The following ACTR3B variants were observed in gnomAD, a reference collection of about 807,000 sequenced individuals.
ACTR3B encodes the protein actin related protein 3B.
ACTR3B carries 8 observed loss-of-function variants against 59.0 expected under a neutral mutation model. That is an observed-to-expected ratio of 0.14 (90% CI 0.08 to 0.24). The LOEUF (loss-of-function observed/expected upper bound fraction) is 0.24, where lower values mean the gene tolerates loss of function less well. Ranked by LOEUF, ACTR3B falls within the 10% of genes least tolerant of loss-of-function variation. ACTR3B has a pLI of 1.00. For missense variants in ACTR3B, 245 were observed against 552.3 expected (o/e 0.44, Z 5.58); for synonymous variants, 148 against 197.9 (o/e 0.75, Z 2.12).
chr7:152,802,683 C>T lies in ACTR3B; in HGVS notation c.336+952C>T, dbSNP rs188812919. Among the ~76,000 whole-genome samples, 66 of 151,486 alleles carry T rather than the reference C, an allele frequency of 4.4e-4. 1 individual carries two copies. Among genetic ancestry groups the T allele is most frequent in the African/African-American group, 1.5e-3 (60 of 41,226 alleles). On this transcript the variant is annotated intron_variant, in intron 4 of 11. Coordinates refer to ENST00000256001, the MANE Select transcript of ACTR3B (RefSeq NM_020445.6). ...CTTTATAGAGGGCAGTTTCATGTGA[C>T]GTAAGCTGCGTATTAAACCTGCATA...
intron 9 of ACTR3B, among the ~76,000 whole-genome samples, chr7:152,834,136 CT>C (rs530165049): frequency 4.0e-5 from 6 of 150,808 alleles, no homozygotes; most frequent in Non-Finnish European, 8.9e-5. Flanking sequence ...GAATTTACTC[CT>C]TTGTAGTCGC....
Position 152,759,759 on chromosome 7 carries a change from C to T in ACTR3B, c.-124C>T. On this transcript the variant is annotated 5_prime_UTR_variant, in exon 1 of 12. Coordinates refer to ENST00000256001, the MANE Select transcript of ACTR3B (RefSeq NM_020445.6). ...ACGTGTCGGCCGCCGAGCATCCGGGCTCCCGGCAGCGGCGCTGCGGCGGCT... is the reference window on the plus strand; with the variant it reads ...ACGTGTCGGCCGCCGAGCATCCGGGTTCCCGGCAGCGGCGCTGCGGCGGCT... 3 of 742,786 alleles carry T rather than the reference C, an allele frequency of 4.0e-6. No individual in the cohort carries two copies. Among genetic ancestry groups the T allele is most frequent in the South Asian group, 1.2e-4 (2 of 16,630 alleles). 46.0% of individuals were successfully genotyped at this position (742,786 alleles called of 1,614,324 possible).
At position 152,854,367 on chromosome 7, in the gene ACTR3B, G is replaced by A; in HGVS notation, c.1162-91G>A. 2 of 1,179,408 alleles carry A rather than the reference G, an allele frequency of 1.7e-6. No individual in the cohort carries two copies. The highest frequency in any genetic ancestry group is 2.5e-6 in the Non-Finnish European group (2 of 789,258). The allele number at this position is 1,179,408 out of a possible 1,614,324, so 73.1% of individuals were successfully genotyped here. A position where few individuals can be genotyped will look rare whatever the true frequency, so the allele number is the denominator to read the frequency against. On this transcript the variant is annotated intron_variant, in intron 11 of 11. Transcript: ENST00000256001. This position sits in a 1 kb window ranked among gnomAD's most constrained non-coding sequence, Gnocchi z 4.9. ...TCCTGGGAGGGAGGGTGGAGGCCGG[G>A]ATGAGGAGAGTGTCTTGCCTGCTTG...
intron 9 of ACTR3B, among the ~76,000 whole-genome samples, chr7:152,840,531 C>T (rs1797798224): frequency 6.6e-6 from 1 of 151,494 alleles, no homozygotes; most frequent in Non-Finnish European, 1.5e-5. Context: ...CTTTGGGCAT[C>T]CCCACCTGGC....
chr7:152,802,132 A>G (rs1180619121), intron 4 of ACTR3B, among the ~76,000 whole-genome samples: 1 of 151,942 alleles, frequency 6.6e-6, no homozygotes, highest in East Asian at 1.9e-4. Flanking sequence ...ACCCTTTCCC[A>G]GAAACCTTCC....
At chr7:152,844,603 G>GTCGT in intron 9 of ACTR3B, among the ~76,000 whole-genome samples, 1 of 151,928 alleles carries the variant, frequency 6.6e-6, no homozygotes, top group East Asian at 1.9e-4. Flanking sequence ...TTATGATGAT[G>GTCGT]TCGTCTGTTA....
rs1050592446 is a variant in ACTR3B, at chr7:152,854,823, C to T, written c.*270C>T. 1 of 397,830 alleles carries T rather than the reference C, an allele frequency of 2.5e-6. No homozygotes were observed. The highest frequency in any genetic ancestry group is 4.6e-6 in the Non-Finnish European group (1 of 219,502). The allele number at this position is 397,830 out of a possible 1,614,324, so 24.6% of individuals were successfully genotyped here. A position where few individuals can be genotyped will look rare whatever the true frequency, so the allele number is the denominator to read the frequency against. On this transcript the variant is annotated 3_prime_UTR_variant, in exon 12 of 12. Coordinates refer to ENST00000256001, the MANE Select transcript of ACTR3B (RefSeq NM_020445.6). The surrounding 1 kb of genome is among the most constrained non-coding windows in gnomAD (Gnocchi z 4.9). ...CCTCCGAGCTGCTAGCTGACAAATA[C>T]AATTCTGAAGGAATCCAAATGTGAC... is the stretch of plus-strand genomic sequence containing the variant.
In ACTR3B at chr7:152,824,593, A is replaced by G. The variant is rs531066257; in HGVS notation, c.859-437A>G. 2.0e-5 allele frequency among the ~76,000 whole-genome samples: 3 copies of G among 152,224 alleles called. No individual in the cohort carries two copies. Among genetic ancestry groups the G allele is most frequent in the Non-Finnish European group, 4.4e-5 (3 of 68,038 alleles). ...CAAAACACTTCCCTGCATCTTCTAG[A>G]CCAGGTTTAATTAATCTTTCATTGA... On this transcript the variant is annotated intron_variant, in intron 8 of 11. Coordinates refer to ENST00000256001, the MANE Select transcript of ACTR3B (RefSeq NM_020445.6). The surrounding 1 kb of genome is among the most constrained non-coding windows in gnomAD (Gnocchi z 4.2).
chr7:152,809,408 C>T (rs1212527198), intron 4 of ACTR3B, among the ~76,000 whole-genome samples: 6 of 152,162 alleles, frequency 3.9e-5, no homozygotes, highest in Admixed American at 6.5e-5. Context: ...TTCTAGGGAG[C>T]GTGCCCCCCT....
rs533612532 is a variant in ACTR3B at position 152,819,440 on chromosome 7, G to T, written c.541-859G>T. ...TCCAGCGGTGGGCGTTGTCCACTCTGACGGTCAGCATCCTGCTCATCCCCT... is the reference window on the plus strand; with the variant it reads ...TCCAGCGGTGGGCGTTGTCCACTCTTACGGTCAGCATCCTGCTCATCCCCT... On this transcript the variant is annotated intron_variant, in intron 6 of 11. Transcript: ENST00000256001. 6.6e-5 allele frequency among the ~76,000 whole-genome samples: 10 copies of T among 152,288 alleles called. No individual in the cohort carries two copies. In the South Asian group the frequency reaches 1.9e-3, roughly 28 times the overall value.
chr7:152,801,115 T>C (rs1192752993), intron 3 of ACTR3B, among the ~76,000 whole-genome samples: 2 of 152,308 alleles, frequency 1.3e-5, no homozygotes, highest in African/African-American at 4.8e-5. Flanking sequence ...GGTCTTACTC[T>C]GTCATCCAGG....
At chr7:152,801,550 G>A (rs1473204535) in intron 3 of ACTR3B, 71 bp from the exon 4 acceptor site, 1 of 1,558,610 alleles carries the variant, frequency 6.4e-7, no homozygotes, top group Non-Finnish European at 8.7e-7. Context: ...AGTTTCTTCT[G>A]TGCCACTGTT....
intron 9 of ACTR3B, among the ~76,000 whole-genome samples, chr7:152,849,656 A>G (rs1798638836): frequency 6.6e-6 from 1 of 152,254 alleles, no homozygotes; most frequent in African/African-American, 2.4e-5. Context: ...TGTTTTTGGT[A>G]TTCACCACTG....
At position 152,801,912 on chromosome 7, in the gene ACTR3B, T is replaced by C. The variant is rs553220944; in HGVS notation, c.336+181T>C. On this transcript the variant is annotated intron_variant, in intron 4 of 11. Transcript: ENST00000256001. Reference sequence around the variant, plus strand: ...TTCAGAACAAAAAGGGCTTGTTAGCTCACCAAACAGGAAGCCCAAGTGAGG... The same window carrying C: ...TTCAGAACAAAAAGGGCTTGTTAGCCCACCAAACAGGAAGCCCAAGTGAGG... 2.0e-5 allele frequency among the ~76,000 whole-genome samples: 3 copies of C among 148,480 alleles called. No individual in the cohort carries two copies. In the Admixed American group the frequency reaches 2.1e-4, roughly 10 times the overall value.
intron 9 of ACTR3B, among the ~76,000 whole-genome samples, chr7:152,846,335 C>CG (rs1269045692): frequency 1.5e-5 from 2 of 134,960 alleles, no homozygotes; most frequent in Non-Finnish European, 3.2e-5. Flanking sequence ...CTCTAGTGCC[C>CG]GGGCTGTAGT....
chr7:152,846,179 C>A (rs1047419405), intron 9 of ACTR3B, among the ~76,000 whole-genome samples: 1 of 148,080 alleles, frequency 6.8e-6, no homozygotes. Flanking sequence ...CTCTAGTGCC[C>A]GGGCTGTAGT....
intron 1 of ACTR3B, among the ~76,000 whole-genome samples, chr7:152,774,292 G>A (rs113607948): frequency 0.035 from 5,276 of 152,098 alleles, 156 homozygotes; most frequent in East Asian, 0.12. Context: ...ATGCGCCACC[G>A]CACCCGACTA....
intron 9 of ACTR3B, among the ~76,000 whole-genome samples, chr7:152,832,183 A>C (rs1215858845): frequency 1.3e-5 from 2 of 152,134 alleles, no homozygotes; most frequent in Non-Finnish European, 2.9e-5. Flanking sequence ...GAAAAGGTTC[A>C]GGGTTCTTGC....
intron 9 of ACTR3B, among the ~76,000 whole-genome samples, chr7:152,842,572 C>T (rs1797951485): frequency 6.6e-6 from 1 of 151,654 alleles, no homozygotes; most frequent in Non-Finnish European, 1.5e-5. Context: ...CGCGTGTTCT[C>T]TGTTTCCGGC....
Sources: allele counts gnomAD v4.1 joint callset (sites outside exome capture counted in the v4.1 genomes callset), GRCh38; gene constraint gnomAD v4.1.1; non-coding constraint Gnocchi (gnomAD v3.1); transcripts MANE v1.5; gene names NCBI Gene and HGNC (gene_info 2026-07-23, HGNC 2026-07-21).